The following ANKRD36C variants were observed in gnomAD, a reference collection of about 807,000 sequenced individuals.
ANKRD36C encodes ankyrin repeat domain 36C, also known as ankyrin repeat domain-containing protein 36C.
Under a neutral mutation model 276.4 loss-of-function variants are expected in ANKRD36C, and 61 were observed. That is an observed-to-expected ratio of 0.22 (90% CI 0.18 to 0.27). The LOEUF is 0.27. ANKRD36C is among the 10% of genes least tolerant of loss of function. The pLI, the probability that ANKRD36C is intolerant of heterozygous loss-of-function variation, is 1.00. For synonymous variants in ANKRD36C, 483 were observed against 680.1 expected (o/e 0.71, Z 4.51); for missense variants, 1,447 against 2,032.3 (o/e 0.71, Z 5.54).
rs759200557 is a variant in ANKRD36C at position 95,853,696 on chromosome 2, G to A, written c.5148+13C>T. The A allele has an allele frequency of 9.6e-5, 150 of 1,565,208 alleles. No homozygotes were observed. The highest frequency in any genetic ancestry group is 1.2e-4 in the Non-Finnish European group (142 of 1,154,018). ...AGATTAACAGTTGTTGGTGTGCAAA[G>A]TTGCATACATACTTGACTTCTCATC... is the stretch of plus-strand genomic sequence containing the variant. On this transcript the variant is annotated intron_variant, in intron 64 of 66. Transcript: ENST00000456556.
chr2:95,969,333 G>A (rs535808087), intron 6 of ANKRD36C, among the ~76,000 whole-genome samples: 1 of 152,290 alleles, frequency 6.6e-6, no homozygotes, highest in East Asian at 1.9e-4. Context: ...TGGGGTTGAA[G>A]ACCAAATATA....
intron 42 of ANKRD36C, among the ~76,000 whole-genome samples, chr2:95,909,135 C>A (rs1394338508): frequency 1.4e-5 from 2 of 143,196 alleles, no homozygotes; most frequent in Admixed American, 1.4e-4. Context: ...CTTTAACTTG[C>A]CCAATAACTG....
Position 95,990,053 on chromosome 2 carries a change from C to T in ANKRD36C, c.197+1459G>A, listed in dbSNP as rs531727517. Among the ~76,000 whole-genome samples, 55 of 151,968 alleles carry T rather than the reference C, an allele frequency of 3.6e-4. No individual in the cohort carries two copies. In the South Asian group the frequency reaches 0.011, roughly 30 times the overall value. On this transcript the variant is annotated intron_variant, in intron 1 of 66. Transcript: ENST00000456556. ...TATAAACTGGATTTTTTTTATTTTG[C>T]TAAATCGACCTTCAGAATGTGTGCT...
chr2:95,946,461 GACTGTAA>G (rs1458513115), intron 17 of ANKRD36C, among the ~76,000 whole-genome samples: 1 of 142,936 alleles, frequency 7.0e-6, no homozygotes, highest in East Asian at 2.0e-4. Flanking sequence ...CTGTTGGTGG[GACTGTAA>G]ACTAGTTCAA....
intron 13 of ANKRD36C, among the ~76,000 whole-genome samples, chr2:95,956,248 G>A (rs1015339406): frequency 1.3e-5 from 2 of 151,984 alleles, no homozygotes; most frequent in Non-Finnish European, 2.9e-5. Flanking sequence ...AAAAACTTAC[G>A]GTCTTGTGGC....
intron 4 of ANKRD36C, 46 bp downstream of exon 4, chr2:95,982,210 T>C: frequency 7.1e-7 from 1 of 1,401,228 alleles, no homozygotes; most frequent in South Asian, 1.4e-5. Context: ...CACTCTAAAA[T>C]GACACTCAGG....
At chr2:95,856,860 C>A (rs891834698) in intron 62 of ANKRD36C, among the ~76,000 whole-genome samples, 9 of 152,124 alleles carry the variant, frequency 5.9e-5, no homozygotes, top group African/African-American at 1.7e-4. Flanking sequence ...AAATCAGTAA[C>A]TTCTGTGAGG....
At chr2:95,921,807 G>A in exon 33 of ANKRD36C, 1 of 1,598,854 alleles carries the variant, frequency 6.3e-7, no homozygotes, top group South Asian at 1.1e-5. Context: ...TTTCTGAGAA[G>A]ACACTGAAAA....
chr2:95,957,353 T>A (rs148227158), intron 12 of ANKRD36C, among the ~76,000 whole-genome samples: 378 of 130,264 alleles, frequency 2.9e-3, no homozygotes, highest in South Asian at 6.4e-3. Flanking sequence ...TGCCTGACAA[T>A]TCAGCAGGTA....
intron 24 of ANKRD36C, among the ~76,000 whole-genome samples, chr2:95,934,959 A>G (rs1391891154): frequency 6.6e-6 from 1 of 152,262 alleles, no homozygotes; most frequent in African/African-American, 2.4e-5. Context: ...CTCACAAACA[A>G]AAGCACACAC....
rs903579023 is a variant in ANKRD36C at position 95,916,129 on chromosome 2, G to A, written c.2376+14C>T. 6 of 1,605,288 alleles carry A rather than the reference G, an allele frequency of 3.7e-6. No homozygotes were observed. Among genetic ancestry groups the A allele is most frequent in the Non-Finnish European group, 4.2e-6 (5 of 1,177,970 alleles). On this transcript the variant is annotated intron_variant, in intron 37 of 66. Coordinates refer to ENST00000456556, the Ensembl canonical transcript of ANKRD36C. ...ACGTTTACTAGCTCACAATATAAATGAGAGTTTCATTACCTTCAAGGCTGG... is the reference window on the plus strand; with the variant it reads ...ACGTTTACTAGCTCACAATATAAATAAGAGTTTCATTACCTTCAAGGCTGG...
At position 95,879,077 on chromosome 2, in the gene ANKRD36C, A is replaced by G. The variant is rs1274225461; in HGVS notation, c.3469+1350T>C. 6.6e-5 allele frequency among the ~76,000 whole-genome samples: 10 copies of G among 152,378 alleles called. No homozygotes were observed. The South Asian group carries it at 8.3e-4, about 13-fold the overall frequency. On this transcript the variant is annotated intron_variant, in intron 58 of 66. Transcript: ENST00000456556. The stretch of plus-strand genomic sequence containing the variant: ...ATCAATCTAAATGTATATCAACAGA[A>G]AAATGGGTTCTAAAAATGTGATACA...
chr2:95,874,272 CA>C (rs1352341333), intron 59 of ANKRD36C, among the ~76,000 whole-genome samples: 1 of 152,182 alleles, frequency 6.6e-6, no homozygotes, highest in Non-Finnish European at 1.5e-5. Context: ...TACCTGACTT[CA>C]AACTATACTA....
intron 63 of ANKRD36C, among the ~76,000 whole-genome samples, chr2:95,855,047 C>G (rs1273008639): frequency 1.3e-5 from 2 of 152,102 alleles, no homozygotes; most frequent in Non-Finnish European, 2.9e-5. Context: ...CATTTTAAAA[C>G]TTAAAATTTT....
rs1677085736 is a variant in ANKRD36C, at chr2:95,916,052, C to T, written c.2377G>A (p.Ala793Thr). 5.0e-6 allele frequency: 8 copies of T among 1,587,224 alleles called. No homozygotes were observed. The East Asian group carries it at 1.8e-4, about 36-fold the overall frequency. Residue 793 changes from alanine (A) to threonine (T), a missense_variant and splice_region_variant, in exon 38 of 67, where the codon GCT becomes ACT. Physicochemically the swap from Ala to Thr is moderately conservative, Grantham distance 58 (BLOSUM62 0). Around this residue, in one of 13 missense-constraint regions of ANKRD36C, gnomAD observed 565 missense variants for 539.5 expected, o/e 1.05. Coordinates refer to ENST00000456556, the Ensembl canonical transcript of ANKRD36C. ...AAAGAATCTTTCTCATCACTTGTAG[C>T]CTGAATGGAATTTGAAACAAAATAA...
chr2:95,859,299 T>C (rs755181536), intron 61 of ANKRD36C, among the ~76,000 whole-genome samples: 126 of 152,280 alleles, frequency 8.3e-4, no homozygotes, highest in Non-Finnish European at 1.4e-3. Context: ...ACCAAAGTGC[T>C]GGGATTACAG....
chr2:95,955,047 C>A (rs1678295363), intron 13 of ANKRD36C, among the ~76,000 whole-genome samples: 1 of 152,288 alleles, frequency 6.6e-6, no homozygotes, highest in South Asian at 2.1e-4. Context: ...ATGCATGTTA[C>A]CAACTACCCA....
chr2:95,850,187 G>A (rs1174081566), downstream of ANKRD36C, among the ~76,000 whole-genome samples: 2 of 152,402 alleles, frequency 1.3e-5, no homozygotes, highest in African/African-American at 4.8e-5. Context: ...AAGTATCAGA[G>A]CTTCTGGTTT....
intron 42 of ANKRD36C, chr2:95,902,903 C>G: frequency 1.3e-6 from 2 of 1,584,218 alleles, no homozygotes; most frequent in Non-Finnish European, 8.6e-7. Context: ...AGTTTTTTCT[C>G]CATACTTTTT....
Sources: allele counts gnomAD v4.1 joint callset (sites outside exome capture counted in the v4.1 genomes callset), GRCh38; gene constraint gnomAD v4.1.1; regional missense constraint gnomAD v4.1.1; transcripts MANE v1.5; gene names NCBI Gene and HGNC (gene_info 2026-07-23, HGNC 2026-07-21).